DCSTAMP: variants seen among roughly 807,000 people sequenced by gnomAD.
DCSTAMP encodes the protein dendritic cell-specific transmembrane protein.
A neutral mutation model predicts 33.8 loss-of-function variants in DCSTAMP; 25 were observed. The ratio of observed to expected loss-of-function variants is 0.74; its 90% CI spans 0.54 to 1.03. The LOEUF is 1.03. DCSTAMP is among the 50% of genes least tolerant of loss of function. The pLI, the probability that DCSTAMP is intolerant of heterozygous loss-of-function variation, is 0.00. For synonymous variants in DCSTAMP, 245 were observed against 216.7 expected (o/e 1.13, Z -1.15); for missense variants, 531 against 556.8 (o/e 0.95, Z 0.47).
Position 104,355,127 on chromosome 8 carries a change from A to C in DCSTAMP, c.1280A>C (p.Lys427Thr). The C allele has an allele frequency of 6.2e-7, 1 of 1,614,180 alleles. No individual in the cohort carries two copies. The highest frequency in any genetic ancestry group is 1.7e-5 in the Admixed American group (1 of 60,016). ...IQYLHAKLLK[K>T]RSKQPLGEVK... ...TATCTGCATGCAAAGCTGCTTAAAA[A>C]AAGATCAAAGCAGCCGCTGGGAGAA... is the stretch of plus-strand genomic sequence containing the variant. Residue 427 changes from lysine to threonine, a missense_variant, in exon 3 of 4, where the codon AAA becomes ACA. Physicochemically the swap from Lys to Thr is moderately conservative, Grantham distance 78. Coordinates refer to ENST00000297581, the MANE Select transcript of DCSTAMP (RefSeq NM_030788.4).
chr8:104,344,988 G>T (rs745495149), intron 1 of DCSTAMP, among the ~76,000 whole-genome samples: 1 of 151,934 alleles, frequency 6.6e-6, no homozygotes, highest in Non-Finnish European at 1.5e-5. Context: ...AGAGATGGGG[G>T]TCTCTCTCTG....
At chr8:104,354,061 C>T (rs1810543287) in intron 2 of DCSTAMP, among the ~76,000 whole-genome samples, 1 of 152,192 alleles carries the variant, frequency 6.6e-6, no homozygotes, top group African/African-American at 2.4e-5. Flanking sequence ...ATGTCATCTC[C>T]TGCCCTCTGT....
intron 2 of DCSTAMP, among the ~76,000 whole-genome samples, chr8:104,353,947 A>T (rs2140478268): frequency 6.6e-6 from 1 of 152,340 alleles, no homozygotes; most frequent in East Asian, 1.9e-4. Context: ...TTGCCAAATT[A>T]GAAAAGAAAT....
At chr8:104,350,904 T>C (rs74495317) in intron 2 of DCSTAMP, among the ~76,000 whole-genome samples, 9,424 of 152,202 alleles carry the variant, frequency 0.062, 570 homozygotes, top group East Asian at 0.23. Context: ...TTTTAAAACC[T>C]CCCAGAGTAA....
Position 104,348,563 on chromosome 8 carries a change from G to C in DCSTAMP, c.11G>C (p.Trp4Ser). 1 of 1,613,102 alleles carries C rather than the reference G, an allele frequency of 6.2e-7. No individual in the cohort carries two copies. Among genetic ancestry groups the C allele is most frequent in the Non-Finnish European group, 8.5e-7 (1 of 1,179,372 alleles). The change falls in exon 2 of 4, where the codon TGG becomes TCG. Residue 4 changes from tryptophan (W) to serine (S), a missense_variant. Coordinates refer to ENST00000297581, the MANE Select transcript of DCSTAMP (RefSeq NM_030788.4). ...CAGGACGCAGGGAGCATGGGTATCT[G>C]GACCTCAGGCACTGATATCTTCCTA... The part of the protein sequence containing the change: MGI[W>S]TSGTDIFLSL...
chr8:104,354,990 T>G lies in DCSTAMP; in HGVS notation c.1143T>G (p.Ser381Arg). 6.2e-7 allele frequency: 1 copy of G among 1,614,050 alleles called. No individual in the cohort carries two copies. Among genetic ancestry groups the G allele is most frequent in the Non-Finnish European group, 8.5e-7 (1 of 1,179,916 alleles). The change falls in exon 3 of 4, where the codon AGT becomes AGG. Residue 381 changes from serine (S) to arginine (R), a missense_variant. Transcript: ENST00000297581. ...TATCTGAGACCTGGGTTCCTCTCAG[T>G]GTTATTCTTTTGATATTAGTGATGC... Reference protein sequence around the residue: ...FLLSETWVPLSVILLILVMLG... With the variant: ...FLLSETWVPLRVILLILVMLG...
At chr8:104,352,162 C>G (rs1284792960) in intron 2 of DCSTAMP, among the ~76,000 whole-genome samples, 1 of 152,130 alleles carries the variant, frequency 6.6e-6, no homozygotes, top group Non-Finnish European at 1.5e-5. Flanking sequence ...CTCTCTTTCT[C>G]TCTCAGGGCC....
At chr8:104,354,459 A>T (rs1275398832) in intron 2 of DCSTAMP, among the ~76,000 whole-genome samples, 1 of 152,206 alleles carries the variant, frequency 6.6e-6, no homozygotes. Flanking sequence ...GTGTGCTAAC[A>T]TGTAGAAACA....
rs200509068 is a variant in DCSTAMP at position 104,349,296 on chromosome 8, C to T, written c.744C>T (p.Thr248=). The change falls in exon 2 of 4, where the codon ACC becomes ACT. Residue 248 remains threonine, a synonymous_variant. Transcript: ENST00000297581. ...CGWKYENIYI[T]RQFVQFDERE... ...GGAAGTATGAAAACATCTACATCAC[C>T]AGACAATTTGTTCAGTTTGATGAAA... The T allele has an allele frequency of 6.1e-5, 98 of 1,614,050 alleles. No homozygotes were observed. Among genetic ancestry groups the T allele is most frequent in the Non-Finnish European group, 8.1e-5 (95 of 1,180,044 alleles).
chr8:104,349,477 C>T lies in DCSTAMP; in HGVS notation c.925C>T (p.Leu309=), dbSNP rs1350224463. ...ACTTATCCATCTCTGCATCTGGGTG[C>T]TGTTTGCAGCTGTAGATTATCTGCT... is the stretch of plus-strand genomic sequence containing the variant. ...PILIHLCIWV[L]FAAVDYLLYR... is the part of the protein sequence containing the mutation. The change falls in exon 2 of 4, where the codon CTG becomes TTG. Residue 309 remains leucine, a synonymous_variant. Transcript: ENST00000297581. 2 of 1,614,168 alleles carry T rather than the reference C, an allele frequency of 1.2e-6. No homozygotes were observed. The highest frequency in any genetic ancestry group is 2.2e-5 in the East Asian group (1 of 44,876).
In DCSTAMP at chr8:104,349,507, C is replaced by G; in HGVS notation, c.955C>G (p.Arg319Gly). Residue 319 changes from arginine (R) to glycine (G), a missense_variant, in exon 2 of 4, where the codon CGG becomes GGG. Coordinates refer to ENST00000297581, the MANE Select transcript of DCSTAMP (RefSeq NM_030788.4). ...TGCAGCTGTAGATTATCTGCTGTAT[C>G]GGCTCATTTTCTCAGTGAGCAAGCA... ...LFAAVDYLLYRLIFSVSKQFQ... is the reference protein window; with the variant it reads ...LFAAVDYLLYGLIFSVSKQFQ... 1 of 1,614,132 alleles carries G rather than the reference C, an allele frequency of 6.2e-7. No individual in the cohort carries two copies. Among genetic ancestry groups the G allele is most frequent in the Non-Finnish European group, 8.5e-7 (1 of 1,180,018 alleles).
Position 104,348,796 on chromosome 8 carries a change from A to G in DCSTAMP, c.244A>G (p.Ile82Val). Residue 82 changes from isoleucine to valine, a missense_variant, in exon 2 of 4, where the codon ATT (isoleucine) becomes GTT (valine). Coordinates refer to ENST00000297581, the MANE Select transcript of DCSTAMP (RefSeq NM_030788.4). ...LCCSKHARCF[I>V]LLVFLSCGLR... ...TTGCTCCAAGCATGCACGATGTTTTATTCTTCTTGTCTTTCTCTCTTGTGG... is the reference window on the plus strand; with the variant it reads ...TTGCTCCAAGCATGCACGATGTTTTGTTCTTCTTGTCTTTCTCTCTTGTGG... The G allele has an allele frequency of 6.8e-6, 11 of 1,614,100 alleles. No individual in the cohort carries two copies. Among genetic ancestry groups the G allele is most frequent in the Non-Finnish European group, 9.3e-6 (11 of 1,180,018 alleles).
In DCSTAMP at chr8:104,348,543, C is replaced by T. The variant is rs780987832; in HGVS notation, c.-10C>T. The T allele has an allele frequency of 7.5e-6, 12 of 1,604,286 alleles. No homozygotes were observed. The highest frequency in any genetic ancestry group is 1.7e-4 in the Middle Eastern group (1 of 6,016). On this transcript the variant is annotated splice_region_variant and 5_prime_UTR_variant, in exon 2 of 4. The change creates a new upstream start codon in the 5' untranslated region. Coordinates refer to ENST00000297581, the MANE Select transcript of DCSTAMP (RefSeq NM_030788.4). Reference sequence around the variant, plus strand: ...CTTGGTTTCTTTTTCATTTTCAGGACGCAGGGAGCATGGGTATCTGGACCT... The same window carrying T: ...CTTGGTTTCTTTTTCATTTTCAGGATGCAGGGAGCATGGGTATCTGGACCT...
At chr8:104,350,074 G>A (rs1168675907) in intron 2 of DCSTAMP, among the ~76,000 whole-genome samples, 3 of 152,096 alleles carry the variant, frequency 2.0e-5, no homozygotes, top group Admixed American at 2.0e-4. Context: ...ACTGTATTAG[G>A]ACTTTCCAGT....
chr8:104,346,450 C>G (rs1193278919), intron 1 of DCSTAMP, among the ~76,000 whole-genome samples: 2 of 152,202 alleles, frequency 1.3e-5, no homozygotes, highest in East Asian at 1.9e-4. Context: ...TATGGTAAGG[C>G]CTGTCTCTAT....
Position 104,356,364 on chromosome 8 carries a change from C to G in DCSTAMP, c.*166C>G, listed in dbSNP as rs1810625626. Reference sequence around the variant, plus strand: ...CACCTGGTTATGCCTCCTTTCATCTCAAAGCCAAAGAGCTGCCAGGTAAAT... The same window carrying G: ...CACCTGGTTATGCCTCCTTTCATCTGAAAGCCAAAGAGCTGCCAGGTAAAT... On this transcript the variant is annotated 3_prime_UTR_variant, in exon 4 of 4. Transcript: ENST00000297581. The G allele has an allele frequency of 3.8e-6, 2 of 528,818 alleles. No individual in the cohort carries two copies. The highest frequency in any genetic ancestry group is 6.4e-6 in the Non-Finnish European group (2 of 314,846). The allele number at this position is 528,818 out of a possible 1,614,324, so 32.8% of individuals were successfully genotyped here.
chr8:104,346,489 CA>C (rs1784499754), intron 1 of DCSTAMP, among the ~76,000 whole-genome samples: 1 of 152,212 alleles, frequency 6.6e-6, no homozygotes, highest in Non-Finnish European at 1.5e-5. Context: ...CCTCTGATTC[CA>C]AAAGGAAGCA....
intron 1 of DCSTAMP, among the ~76,000 whole-genome samples, chr8:104,346,131 C>T (rs1810309173): frequency 6.6e-6 from 1 of 152,162 alleles, no homozygotes; most frequent in Admixed American, 6.5e-5. Context: ...GCCTCAGTTT[C>T]CAATGTGCCA....
At chr8:104,340,887 A>G (rs939212921) in intron 1 of DCSTAMP, among the ~76,000 whole-genome samples, 8 of 152,220 alleles carry the variant, frequency 5.3e-5, no homozygotes, top group African/African-American at 7.2e-5. Flanking sequence ...TGAGGAGTAC[A>G]GAAAGAACAG....
Sources: allele counts gnomAD v4.1 joint callset (sites outside exome capture counted in the v4.1 genomes callset), GRCh38; gene constraint gnomAD v4.1.1; transcripts MANE v1.5; gene names NCBI Gene and HGNC (gene_info 2026-07-23, HGNC 2026-07-21).